TTN: variants seen among roughly 807,000 people sequenced by gnomAD.
TTN encodes titin, also known as connectin.
A neutral mutation model predicts 3,223.0 loss-of-function variants in TTN; 1,525 were observed. The ratio of observed to expected loss-of-function variants is 0.47; its 90% CI spans 0.45 to 0.49. The LOEUF (loss-of-function observed/expected upper bound fraction) is 0.49, where lower values mean the gene tolerates loss of function less well. TTN is among the 20% of genes least tolerant of loss of function. The probability of loss-of-function intolerance (pLI) is 0.00; values close to 1 mark genes in which losing one functional copy is unlikely to be tolerated. For synonymous variants in TTN, 14,094 were observed against 15,161.0 expected (o/e 0.93, Z 5.17); for missense variants, 40,786 against 43,424.0 (o/e 0.94, Z 5.40).
chr2:178,664,839 T>C lies in TTN; in HGVS notation c.36118+13A>G, dbSNP rs1226917584. ...GAGCTAGTTCTTGACCCTGAGAGCA[T>C]GGTGACTTGTACCTTTAACTGATGG... On this transcript the variant is annotated intron_variant, in intron 166 of 362. Transcript: ENST00000589042. 1.2e-6 allele frequency: 2 copies of C among 1,611,300 alleles called. No homozygotes were observed. The highest frequency in any genetic ancestry group is 1.7e-6 in the Non-Finnish European group (2 of 1,179,338).
intron 47 of TTN, chr2:178,749,201 C>T (rs267599078): frequency 1.2e-6 from 2 of 1,611,006 alleles, no homozygotes; most frequent in African/African-American, 1.3e-5. Flanking sequence ...ACCAAGTTTT[C>T]CAAAATTATT....
rs1006806821 is a variant in TTN, at chr2:178,548,583, C to G, written c.93043G>C (p.Asp31015His). ...KSITFTVKVL[D>H]TPGPPGPITF... is the part of the protein sequence containing the mutation. The stretch of plus-strand genomic sequence containing the variant: ...ATTGGGCCAGGTGGGCCTGGAGTGT[C>G]TAGCACTTTCACGGTGAATGTGATT... Residue 31015 changes from aspartate to histidine, a missense_variant, in exon 339 of 363, where the codon GAC becomes CAC. Coordinates refer to ENST00000589042, the MANE Select transcript of TTN (RefSeq NM_001267550.2). The surrounding 1 kb of genome is among the most constrained non-coding windows in gnomAD (Gnocchi z 4.3). 5.0e-6 allele frequency: 8 copies of G among 1,613,760 alleles called. No homozygotes were observed. The African/African-American group carries it at 8.0e-5, about 16-fold the overall frequency.
chr2:178,723,533 G>A lies in TTN; in HGVS notation c.21567C>T (p.Asp7189=). 2 of 1,613,420 alleles carry A rather than the reference G, an allele frequency of 1.2e-6. No homozygotes were observed. Among genetic ancestry groups the A allele is most frequent in the Non-Finnish European group, 1.7e-6 (2 of 1,179,604 alleles). ...TAAATAATTCCAGTTCTGCCACAGT[G>A]TCTTCAAAATAGATGTTGCACCGGT... ...KGDRCNIYFE[D]TVAELELFNI... is the part of the protein sequence containing the mutation. Residue 7189 remains aspartate, a synonymous_variant, in exon 74 of 363, where the codon GAC becomes GAT. Transcript: ENST00000589042.
rs888849578 is a variant in TTN, at chr2:178,549,846, G to A, written c.91876C>T (p.Pro30626Ser). Reference sequence around the variant, plus strand: ...CCAGTAATATTGGTGAATCTTATTGGCCCAACTACTTTTCCTGGTGTATCT... The same window carrying A: ...CCAGTAATATTGGTGAATCTTATTGACCCAACTACTTTTCCTGGTGTATCT... ...VQDTPGKVVG[P>S]IRFTNITGEK... Residue 30626 changes from proline (P) to serine (S), a missense_variant, in exon 338 of 363, where the codon CCA becomes TCA. By Grantham distance (74) the Pro-to-Ser change is moderately conservative. Coordinates refer to ENST00000589042, the MANE Select transcript of TTN (RefSeq NM_001267550.2). 6.3e-7 allele frequency: 1 copy of A among 1,576,816 alleles called. No homozygotes were observed. Among genetic ancestry groups the A allele is most frequent in the East Asian group, 2.2e-5 (1 of 44,452 alleles).
At chr2:178,749,912 T>C (rs1408924305) in intron 47 of TTN, 4 of 1,613,114 alleles carry the variant, frequency 2.5e-6, no homozygotes, top group African/African-American at 1.3e-5. Flanking sequence ...CTTTGGCATT[T>C]CTTGTAACAT....
chr2:178,586,981 GAGAT>G (rs773440422), intron 307 of TTN, 133 bp downstream of exon 307: 84 of 1,369,900 alleles, frequency 6.1e-5, no homozygotes, highest in Non-Finnish European at 8.0e-5. Flanking sequence ...TTTCATGAGT[GAGAT>G]AGATATTTAT....
Position 178,620,031 on chromosome 2 carries a change from G to C in TTN, c.46386C>G (p.Cys15462Trp). The change falls in exon 249 of 363, where the codon TGC (cysteine) becomes TGG (tryptophan). Residue 15462 changes from cysteine (C) to tryptophan (W), a missense_variant. Transcript: ENST00000589042. ...CACGAGACTTCCTGTCTTCTACCCC[G>C]CAAGCATATTCACACTCATCATCCA... Reference protein sequence around the residue: ...CRLDDECEYACGVEDRKSRAR... With the variant: ...CRLDDECEYAWGVEDRKSRAR... The C allele has an allele frequency of 6.2e-7, 1 of 1,611,612 alleles. No individual in the cohort carries two copies. The highest frequency in any genetic ancestry group is 8.5e-7 in the Non-Finnish European group (1 of 1,178,714).
intron 133 of TTN, among the ~76,000 whole-genome samples, chr2:178,683,789 A>G (rs1395087464): frequency 6.6e-6 from 1 of 152,058 alleles, no homozygotes; most frequent in Non-Finnish European, 1.5e-5. Flanking sequence ...AATTATTCAC[A>G]TACGTTTAGA....
At position 178,774,321 on chromosome 2, in the gene TTN, T is replaced by C; in HGVS notation, c.6943A>G (p.Thr2315Ala). ...AGGTTCTGACGTCCACGACGAGATG[T>C]AATTGTATATTTGCCATTGGATTTA... ...ELKSNGKYTI[T>A]SRRGRQNLTV... The change falls in exon 30 of 363, where the codon ACA becomes GCA. Residue 2315 changes from threonine (T) to alanine (A), a missense_variant. Thr to Ala is a moderately conservative substitution (Grantham distance 58). Coordinates refer to ENST00000589042, the MANE Select transcript of TTN (RefSeq NM_001267550.2). The C allele has an allele frequency of 6.2e-7, 1 of 1,614,156 alleles. No homozygotes were observed. Among genetic ancestry groups the C allele is most frequent in the Non-Finnish European group, 8.5e-7 (1 of 1,179,990 alleles).
At chr2:178,694,529 A>G (rs1244761891) in intron 117 of TTN, 70 bp downstream of exon 117, 2 of 1,094,690 alleles carry the variant, frequency 1.8e-6, no homozygotes, top group African/African-American at 1.6e-5. Flanking sequence ...ACTTAGCAAT[A>G]TATGTACACA....
rs1287299255 is a variant in TTN, at chr2:178,632,403, G to C, written c.43491C>G (p.Leu14497=). The C allele has an allele frequency of 1.3e-6, 2 of 1,587,916 alleles. No individual in the cohort carries two copies. The highest frequency in any genetic ancestry group is 1.7e-4 in the Middle Eastern group (1 of 5,982). ...SGKLIIEGIR[L]KFLTPLKDVT... ...CATCTTTGAGAGGGGTGAGGAATTT[G>C]AGCCGGATTCCTATCAAGAAAAAAA... The change falls in exon 236 of 363, where the codon CTC becomes CTG. Residue 14497 remains leucine (L), a synonymous_variant. Coordinates refer to ENST00000589042, the MANE Select transcript of TTN (RefSeq NM_001267550.2).
chr2:178,559,684 G>T lies in TTN; in HGVS notation c.86448C>A (p.Asn28816Lys), dbSNP rs774349799. The T allele has an allele frequency of 3.7e-6, 6 of 1,610,380 alleles. No individual in the cohort carries two copies. The African/African-American group carries it at 8.0e-5, about 22-fold the overall frequency. Residue 28816 changes from asparagine (N) to lysine (K), a missense_variant, in exon 326 of 363, where the codon AAC becomes AAA. Physicochemically the swap from Asn to Lys is moderately conservative, Grantham distance 94 (BLOSUM62 0). Coordinates refer to ENST00000589042, the MANE Select transcript of TTN (RefSeq NM_001267550.2). ...ATGTGTACTTTCCAGAGTCATTTCT[G>T]TTGGCATTTTCAATGGTCAGTGATG... ...SRTSLTIENA[N>K]RNDSGKYTLT...
Position 178,565,918 on chromosome 2 carries a change from G to A in TTN, c.80214C>T (p.Ser26738=). The A allele has an allele frequency of 6.2e-7, 1 of 1,613,594 alleles. No homozygotes were observed. Among genetic ancestry groups the A allele is most frequent in the South Asian group, 1.1e-5 (1 of 91,072 alleles). Residue 26738 remains serine (S), a synonymous_variant, in exon 326 of 363, where the codon AGC becomes AGT. Transcript: ENST00000589042. ...GGTTTTCCACTTTAAAACTTGTTTT[G>A]CTGCATTTACTACTCACATTAGCAT... ...KAYANVSSKC[S]KTSFKVENLT...
Position 178,614,155 on chromosome 2 carries a change from T to C in TTN, c.49242A>G (p.Lys16414=). Residue 16414 remains lysine (K), a synonymous_variant, in exon 262 of 363, where the codon AAA becomes AAG. Transcript: ENST00000589042. The part of the protein sequence containing the change: ...TVKDTNFKAT[K]LIPNKEYIFR... The stretch of plus-strand genomic sequence containing the variant: ...AGATGTACTCTTTATTGGGGATTAA[T>C]TTGGTGGCCTTGAAGTTTGTATCCT... The C allele has an allele frequency of 1.2e-6, 2 of 1,612,468 alleles. No homozygotes were observed. The highest frequency in any genetic ancestry group is 1.7e-6 in the Non-Finnish European group (2 of 1,179,212).
In TTN at chr2:178,611,561, C is replaced by T; in HGVS notation, c.50668G>A (p.Glu16890Lys). The change falls in exon 269 of 363, where the codon GAA becomes AAA. Residue 16890 changes from glutamate (E) to lysine (K), a missense_variant. Coordinates refer to ENST00000589042, the MANE Select transcript of TTN (RefSeq NM_001267550.2). ...TTCTCAGTGCCTACTGGACACATTTCAACATGGTATCCTATGATAGGACTT... is the reference window on the plus strand; with the variant it reads ...TTCTCAGTGCCTACTGGACACATTTTAACATGGTATCCTATGATAGGACTT... The part of the protein sequence containing the change: ...GGSPIIGYHV[E>K]MCPVGTEKWM... 1 of 1,613,052 alleles carries T rather than the reference C, an allele frequency of 6.2e-7. No homozygotes were observed. The highest frequency in any genetic ancestry group is 1.7e-5 in the Admixed American group (1 of 59,972).
Position 178,766,373 on chromosome 2 carries a change from C to T in TTN, c.9703+8G>A. ...CCACAAAATATGCTGAAATCTGTCCCTACATACCATTGACATAGAGAGTGA... is the reference window on the plus strand; with the variant it reads ...CCACAAAATATGCTGAAATCTGTCCTTACATACCATTGACATAGAGAGTGA... On this transcript the variant is annotated splice_region_variant and intron_variant, in intron 41 of 362. Coordinates refer to ENST00000589042, the MANE Select transcript of TTN (RefSeq NM_001267550.2). The T allele has an allele frequency of 1.3e-6, 2 of 1,593,608 alleles. No individual in the cohort carries two copies. The highest frequency in any genetic ancestry group is 2.2e-5 in the South Asian group (2 of 90,708).
chr2:178,666,128 A>AT (rs373202351), intron 163 of TTN, among the ~76,000 whole-genome samples: 11 of 152,104 alleles, frequency 7.2e-5, no homozygotes, highest in African/African-American at 2.4e-4. Flanking sequence ...CTAGGTCGGC[A>AT]TTTTTTTGTA....
In TTN at chr2:178,566,318, C is replaced by T. The variant is rs1263615793; in HGVS notation, c.79814G>A (p.Arg26605Lys). 6.2e-7 allele frequency: 1 copy of T among 1,613,628 alleles called. No individual in the cohort carries two copies. ...DSELRKGIVV[R>K]AGGSARIHIP... is the part of the protein sequence containing the mutation. ...GTGAATTCTGGCAGATCCACCAGCT[C>T]TTACAACAATTCCTTTTCTTAATTC... The change falls in exon 326 of 363, where the codon AGA (arginine) becomes AAA (lysine). Residue 26605 changes from arginine to lysine, a missense_variant. Physicochemically the swap from Arg to Lys is conservative, Grantham distance 26. Transcript: ENST00000589042.
chr2:178,602,126 A>G lies in TTN; in HGVS notation c.55145T>C (p.Ile18382Thr). ...ACAAACCAGACAGTCCTGTGCTCCA[A>G]TGTCAATGAAAACTTCTGGTTCCTC... ...IQEEPEVFID[I>T]GAQDCLVCKA... Residue 18382 changes from isoleucine (I) to threonine (T), a missense_variant, in exon 284 of 363, where the codon ATT becomes ACT. By Grantham distance (89) the Ile-to-Thr change is moderately conservative (BLOSUM62 -1). Transcript: ENST00000589042. 6.2e-7 allele frequency: 1 copy of G among 1,606,778 alleles called. No individual in the cohort carries two copies. The highest frequency in any genetic ancestry group is 8.5e-7 in the Non-Finnish European group (1 of 1,176,564).
Sources: allele counts gnomAD v4.1 joint callset (sites outside exome capture counted in the v4.1 genomes callset), GRCh38; gene constraint gnomAD v4.1.1; non-coding constraint Gnocchi (gnomAD v3.1); transcripts MANE v1.5; gene names NCBI Gene and HGNC (gene_info 2026-07-23, HGNC 2026-07-21).